Variants in DYRK4 observed in about 807,000 individuals in gnomAD.
DYRK4 encodes the protein dual specificity tyrosine phosphorylation regulated kinase 4.
In DYRK4, 64 loss-of-function variants were observed where a neutral mutation model predicts 68.3. That is an observed-to-expected ratio of 0.94 (90% confidence interval 0.77 to 1.15). The LOEUF (loss-of-function observed/expected upper bound fraction) is 1.15. Among genes scored for constraint, DYRK4 ranks in the 50% most tolerant of loss-of-function variants. The probability of loss-of-function intolerance (pLI) is 0.00; values close to 1 mark genes in which losing one functional copy is unlikely to be tolerated. For synonymous variants in DYRK4, 274 were observed against 289.9 expected (o/e 0.95, Z 0.56); for missense variants, 740 against 764.7 (o/e 0.97, Z 0.38).
intron 10 of DYRK4, among the ~76,000 whole-genome samples, chr12:4,600,461 A>G (rs908902840): frequency 2.6e-5 from 4 of 151,220 alleles, no homozygotes; most frequent in Non-Finnish European, 5.9e-5. Context: ...GAATACAATG[A>G]TTAGAGATAT....
At chr12:4,570,149 T>C (rs888543745) in intron 2 of DYRK4, among the ~76,000 whole-genome samples, 1 of 151,652 alleles carries the variant, frequency 6.6e-6, no homozygotes, top group African/African-American at 2.4e-5. Flanking sequence ...CCTGAGGTAG[T>C]AGGATCGCTT....
At chr12:4,575,770 G>A (rs1944783135) in intron 2 of DYRK4, among the ~76,000 whole-genome samples, 1 of 151,972 alleles carries the variant, frequency 6.6e-6, no homozygotes, top group African/African-American at 2.4e-5. Context: ...CTTTTTTATT[G>A]ATTTACAGAA....
chr12:4,602,919 C>T, intron 10 of DYRK4: 1 of 879,634 alleles, frequency 1.1e-6, no homozygotes, highest in South Asian at 1.6e-5. Context: ...GTATTAGTGT[C>T]TTTTAGTGGA....
At chr12:4,596,410 T>C (rs1199373383) in intron 7 of DYRK4, 125 bp downstream of exon 7, 8 of 1,529,560 alleles carry the variant, frequency 5.2e-6, no homozygotes, top group Non-Finnish European at 7.0e-6. Flanking sequence ...CTTTTCTCTT[T>C]CTACCCGTCT....
At chr12:4,563,899 C>A (rs1441784604) in intron 1 of DYRK4, among the ~76,000 whole-genome samples, 1 of 152,166 alleles carries the variant, frequency 6.6e-6, no homozygotes, top group Admixed American at 6.5e-5. Context: ...AAGTACCAAC[C>A]CTATGTAAAT....
At position 4,613,007 on chromosome 12, in the gene DYRK4, C is replaced by CT; in HGVS notation, c.1666+295dup. ...AGGGAAATTTGGCATTAGCCTGGAT[C>CT]TTTTTTGCCCCTTATTAGGATTTTC... On this transcript the variant is annotated intron_variant, in intron 14 of 14. Coordinates refer to ENST00000543431, the MANE Select transcript of DYRK4 (RefSeq NM_001394779.1). The surrounding 1 kb of genome is among the most constrained non-coding windows in gnomAD (Gnocchi z 4.0). 2.8e-6 allele frequency: 1 copy of CT among 357,690 alleles called. No homozygotes were observed. The allele number at this position is 357,690 out of a possible 1,614,324, so 22.2% of individuals were successfully genotyped here.
intron 6 of DYRK4, among the ~76,000 whole-genome samples, chr12:4,593,793 A>G (rs189446349): frequency 2.6e-5 from 4 of 152,338 alleles, no homozygotes; most frequent in Admixed American, 2.0e-4. Context: ...TTAGTCCACT[A>G]GGCTGTGGGC....
intron 6 of DYRK4, among the ~76,000 whole-genome samples, chr12:4,593,595 G>A (rs764619817): frequency 6.6e-6 from 1 of 152,134 alleles, no homozygotes; most frequent in Non-Finnish European, 1.5e-5. Context: ...AAAAGCTTTT[G>A]TCACTGTAGA....
intron 12 of DYRK4, among the ~76,000 whole-genome samples, chr12:4,607,622 G>T (rs1332073729): frequency 6.6e-6 from 1 of 152,172 alleles, no homozygotes; most frequent in Admixed American, 6.5e-5. Flanking sequence ...GAGGAGAATA[G>T]CCAGGTCCCT....
At chr12:4,602,906 T>C in intron 10 of DYRK4, 1 of 936,744 alleles carries the variant, frequency 1.1e-6, no homozygotes, top group Admixed American at 2.1e-5. Context: ...ATAACTTTTG[T>C]AAGTATTAGT....
chr12:4,597,203 C>A (rs7305150), intron 8 of DYRK4: 6 of 981,220 alleles, frequency 6.1e-6, no homozygotes, highest in Non-Finnish European at 7.3e-6. Context: ...CAGAGCCTGA[C>A]TTCAATAGAT....
intron 2 of DYRK4, among the ~76,000 whole-genome samples, chr12:4,575,903 G>T (rs534987575): frequency 1.3e-3 from 194 of 152,276 alleles, no homozygotes; most frequent in African/African-American, 4.5e-3. Flanking sequence ...TAGGTTCCCA[G>T]AAAAATTGAG....
intron 10 of DYRK4, chr12:4,602,959 G>T (rs1346237998): frequency 1.0e-5 from 9 of 861,762 alleles, no homozygotes; most frequent in African/African-American, 8.3e-5. Context: ...ATTTGTCCTT[G>T]AGCTTAAATT....
chr12:4,563,111 C>A (rs1036139719), intron 1 of DYRK4: 1 of 456,032 alleles, frequency 2.2e-6, no homozygotes, highest in East Asian at 6.9e-5. Context: ...AAGTTCAAAC[C>A]GTGGAAACAA....
chr12:4,594,245 G>A (rs1161074069), intron 6 of DYRK4, among the ~76,000 whole-genome samples: 1 of 152,148 alleles, frequency 6.6e-6, no homozygotes, highest in Non-Finnish European at 1.5e-5. Flanking sequence ...ATGTATATAT[G>A]TTTTTTGAGA....
At chr12:4,575,040 T>C (rs1191788806) in intron 2 of DYRK4, among the ~76,000 whole-genome samples, 1 of 152,136 alleles carries the variant, frequency 6.6e-6, no homozygotes, top group Non-Finnish European at 1.5e-5. Flanking sequence ...TTGAAAATGA[T>C]GCTGCTATGA....
At position 4,581,283 on chromosome 12, in the gene DYRK4, C is replaced by T. The variant is rs923437545; in HGVS notation, c.133-7654C>T. On this transcript the variant is annotated intron_variant, in intron 2 of 14. Coordinates refer to ENST00000543431, the MANE Select transcript of DYRK4 (RefSeq NM_001394779.1). ...CTGGGAATTCCACCCCTCAGGGTAC[C>T]TCTTTCATCCACTCTGACACAGAGA... Among the ~76,000 whole-genome samples, 96 of 152,286 alleles carry T rather than the reference C, an allele frequency of 6.3e-4. 1 individual carries two copies. The highest frequency in any genetic ancestry group is 2.2e-3 in the African/African-American group (93 of 41,566).
intron 10 of DYRK4, chr12:4,602,665 G>T: frequency 7.1e-7 from 1 of 1,417,048 alleles, no homozygotes; most frequent in Non-Finnish European, 1.0e-6. Context: ...CACCTGCTGA[G>T]GGTCATTTTC....
chr12:4,600,195 T>C (rs1388841344), intron 10 of DYRK4, among the ~76,000 whole-genome samples: 1 of 152,172 alleles, frequency 6.6e-6, no homozygotes, highest in Non-Finnish European at 1.5e-5. Flanking sequence ...CCTCTAGGTT[T>C]TATTCTTTTT....
Sources: allele counts gnomAD v4.1 joint callset (sites outside exome capture counted in the v4.1 genomes callset), GRCh38; gene constraint gnomAD v4.1.1; non-coding constraint Gnocchi (gnomAD v3.1); transcripts MANE v1.5; gene names NCBI Gene and HGNC (gene_info 2026-07-23, HGNC 2026-07-21).